The following HHLA2 variants were observed in gnomAD, a reference collection of about 807,000 sequenced individuals.
The protein encoded by HHLA2 is HHLA2 member of B7 family.
HHLA2 carries 48 observed loss-of-function variants against 45.9 expected under a neutral mutation model. That is an observed-to-expected ratio of 1.05 (90% confidence interval 0.83 to 1.33). The LOEUF (loss-of-function observed/expected upper bound fraction) is 1.33, where lower values mean the gene tolerates loss of function less well. HHLA2 is among the 40% of genes most tolerant of loss of function. The pLI is 0.00. For synonymous variants in HHLA2, 161 were observed against 173.9 expected (o/e 0.93, Z 0.59); for missense variants, 462 against 494.3 (o/e 0.93, Z 0.62).
intron 1 of HHLA2, among the ~76,000 whole-genome samples, chr3:108,297,631 A>G (rs1273097745): frequency 6.6e-6 from 1 of 152,230 alleles, no homozygotes; most frequent in East Asian, 1.9e-4. Context: ...GATGTAAAAG[A>G]CAAATGATTT....
rs2081668652 is a variant in HHLA2 at position 108,346,812 on chromosome 3, T to A, written c.-26-4976T>A. On this transcript the variant is annotated intron_variant, in intron 3 of 10. Coordinates refer to ENST00000619531, the Ensembl canonical transcript of HHLA2. ...TGATGTTTGCATCATCATGTCACAA[T>A]TAGTACTGATGGCTGTGGTCAATTT... 2.0e-5 allele frequency among the ~76,000 whole-genome samples: 3 copies of A among 152,236 alleles called. No homozygotes were observed. In the South Asian group the frequency reaches 6.2e-4, roughly 32 times the overall value.
At chr3:108,314,626 G>A (rs1325407469) in intron 2 of HHLA2, among the ~76,000 whole-genome samples, 1 of 152,106 alleles carries the variant, frequency 6.6e-6, no homozygotes, top group South Asian at 2.1e-4. Context: ...AAGACGGGAA[G>A]GTGAGGAGAG....
chr3:108,331,846 G>GCCTC (rs1371818170), intron 3 of HHLA2, among the ~76,000 whole-genome samples: 2 of 151,970 alleles, frequency 1.3e-5, no homozygotes, highest in African/African-American at 4.8e-5. Context: ...TCTGCTGCCT[G>GCCTC]CCTCCCCCTC....
At chr3:108,329,611 A>G (rs1334107173) in intron 3 of HHLA2, among the ~76,000 whole-genome samples, 1 of 152,194 alleles carries the variant, frequency 6.6e-6, no homozygotes, top group African/African-American at 2.4e-5. Flanking sequence ...GGGAACAGGC[A>G]TGGCACTAAT....
At chr3:108,314,334 T>C (rs1449934741) in intron 2 of HHLA2, among the ~76,000 whole-genome samples, 3 of 89,350 alleles carry the variant, frequency 3.4e-5, no homozygotes, top group Admixed American at 1.5e-4. Context: ...GGCCCTATAC[T>C]GTCTCTTAAA....
chr3:108,316,120 GAA>G (rs1305551990), intron 2 of HHLA2, among the ~76,000 whole-genome samples: 1 of 151,746 alleles, frequency 6.6e-6, no homozygotes, highest in African/African-American at 2.4e-5. Flanking sequence ...GATGAAAGAG[GAA>G]AGAGTAAATA....
intron 6 of HHLA2, among the ~76,000 whole-genome samples, chr3:108,356,250 T>G (rs2081889914): frequency 6.6e-6 from 1 of 152,114 alleles, no homozygotes; most frequent in Non-Finnish European, 1.5e-5. Flanking sequence ...CAGGCTGGTC[T>G]CGAACTTCTG....
chr3:108,353,640 C>G, exon 5 of HHLA2: 1 of 1,613,730 alleles, frequency 6.2e-7, no homozygotes, highest in Non-Finnish European at 8.5e-7. Context: ...AACAGGACAT[C>G]CCTTTTCTAT....
At chr3:108,347,676 G>GT (rs2081691736) in intron 3 of HHLA2, among the ~76,000 whole-genome samples, 1 of 152,182 alleles carries the variant, frequency 6.6e-6, no homozygotes, top group Non-Finnish European at 1.5e-5. Context: ...AGCCGAATGC[G>GT]TATTTGTAGA....
chr3:108,351,231 T>C (rs2081771378), intron 3 of HHLA2, among the ~76,000 whole-genome samples: 1 of 152,210 alleles, frequency 6.6e-6, no homozygotes, highest in African/African-American at 2.4e-5. Flanking sequence ...GCACTAGTAT[T>C]GGATATGTAA....
chr3:108,330,791 C>A (rs2081372159), intron 3 of HHLA2, among the ~76,000 whole-genome samples: 1 of 152,154 alleles, frequency 6.6e-6, no homozygotes, highest in Non-Finnish European at 1.5e-5. Flanking sequence ...GAGGACCAAG[C>A]TGAGCTGTGC....
At chr3:108,297,725 G>A (rs1387358719) in intron 1 of HHLA2, among the ~76,000 whole-genome samples, 1 of 152,152 alleles carries the variant, frequency 6.6e-6, no homozygotes, top group Non-Finnish European at 1.5e-5. Context: ...CTTTTGGCGT[G>A]TGGCCCACCA....
intron 2 of HHLA2, among the ~76,000 whole-genome samples, chr3:108,315,349 C>G (rs1327047093): frequency 6.6e-6 from 1 of 152,194 alleles, no homozygotes; most frequent in African/African-American, 2.4e-5. Context: ...GAATTACAGT[C>G]TCTTATAGCT....
intron 2 of HHLA2, among the ~76,000 whole-genome samples, chr3:108,313,033 A>G (rs1255486370): frequency 2.0e-5 from 3 of 152,178 alleles, no homozygotes; most frequent in Non-Finnish European, 4.4e-5. Context: ...CCTTGCCAAA[A>G]TTAAGGTCTG....
chr3:108,353,231 A>T (rs2081812317), intron 4 of HHLA2, among the ~76,000 whole-genome samples, 196 bp from the exon 4 acceptor site: 1 of 152,212 alleles, frequency 6.6e-6, no homozygotes, highest in Admixed American at 6.5e-5. Flanking sequence ...CATAAAACAG[A>T]TATTCAATTA....
chr3:108,357,831 A>T lies in HHLA2; in HGVS notation c.686-13A>T. The T allele has an allele frequency of 4.4e-6, 7 of 1,580,488 alleles. No homozygotes were observed. Among genetic ancestry groups the T allele is most frequent in the Non-Finnish European group, 6.0e-6 (7 of 1,162,180 alleles). ...TATCTTCATTGATGTTTTCTTTTCT[A>T]TTGTGTTGTTAGATGGCCTTCATAA... On this transcript the variant is annotated splice_polypyrimidine_tract_variant and intron_variant, in intron 6 of 10. Transcript: ENST00000619531.
At chr3:108,377,416 T>A (rs2082294084) in exon 11 of HHLA2, 1 of 621,638 alleles carries the variant, frequency 1.6e-6, no homozygotes, top group South Asian at 2.2e-5. Context: ...TTGTAACCAT[T>A]TTCTGGTATC....
At chr3:108,325,087 G>T (rs1019598611) in intron 2 of HHLA2, among the ~76,000 whole-genome samples, 14 of 151,818 alleles carry the variant, frequency 9.2e-5, no homozygotes, top group African/African-American at 3.4e-4. Flanking sequence ...TTTAAAATAT[G>T]AATGTCAGTG....
intron 2 of HHLA2, among the ~76,000 whole-genome samples, chr3:108,319,335 C>G (rs554267230): frequency 6.6e-6 from 1 of 152,284 alleles, no homozygotes; most frequent in East Asian, 1.9e-4. Context: ...CCACTCTAAT[C>G]TGAGACTCTT....
Sources: gnomAD v4.1 joint callset for allele counts (sites outside exome capture counted in the v4.1 genomes callset) on GRCh38, gnomAD v4.1.1 for gene constraint, MANE v1.5 for transcripts, NCBI Gene and HGNC (gene_info 2026-07-23, HGNC 2026-07-21) for gene names.